PIGK: variants seen among roughly 807,000 people sequenced by gnomAD.
The protein encoded by PIGK is phosphatidylinositol glycan anchor biosynthesis class K.
PIGK carries 42 observed loss-of-function variants against 50.6 expected under a neutral mutation model. The observed-to-expected ratio is 0.83, with a 90% CI of 0.65 to 1.07. The LOEUF (loss-of-function observed/expected upper bound fraction) is 1.07, where lower values mean the gene tolerates loss of function less well. PIGK is among the 50% of genes least tolerant of loss of function. The probability of loss-of-function intolerance (pLI) is 0.00; values close to 1 mark genes in which losing one functional copy is unlikely to be tolerated. For missense variants in PIGK, 448 were observed against 488.7 expected (o/e 0.92, Z 0.78); for synonymous variants, 151 against 156.0 (o/e 0.97, Z 0.24).
intron 9 of PIGK, among the ~76,000 whole-genome samples, chr1:77,139,794 T>C (rs1654606539): frequency 6.6e-6 from 1 of 152,206 alleles, no homozygotes; most frequent in South Asian, 2.1e-4. Context: ...CTAGGTATCT[T>C]GTAACGGAAT....
At chr1:77,110,877 T>C (rs1207715134) in intron 10 of PIGK, among the ~76,000 whole-genome samples, 1 of 152,156 alleles carries the variant, frequency 6.6e-6, no homozygotes, top group Non-Finnish European at 1.5e-5. Context: ...AAAGGGCTAA[T>C]ATCCAGAATC....
intron 5 of PIGK, among the ~76,000 whole-genome samples, chr1:77,164,589 C>T (rs372121430): frequency 6.6e-6 from 1 of 152,052 alleles, no homozygotes; most frequent in Admixed American, 6.6e-5. Flanking sequence ...TGGATACATG[C>T]AGCCCTGCAG....
At chr1:77,197,741 G>T (rs1272044105) in intron 3 of PIGK, among the ~76,000 whole-genome samples, 1 of 152,194 alleles carries the variant, frequency 6.6e-6, no homozygotes, top group African/African-American at 2.4e-5. Flanking sequence ...AAAGTAGTCT[G>T]ATTCTGGGGC....
intron 9 of PIGK, among the ~76,000 whole-genome samples, chr1:77,131,600 A>C (rs1055080700): frequency 2.0e-5 from 3 of 152,094 alleles, no homozygotes; most frequent in Non-Finnish European, 2.9e-5. Flanking sequence ...TTTTTAAAAA[A>C]CATTATCATT....
At chr1:77,158,099 C>T (rs1337080306) in intron 8 of PIGK, among the ~76,000 whole-genome samples, 1 of 152,322 alleles carries the variant, frequency 6.6e-6, no homozygotes, top group East Asian at 1.9e-4. Flanking sequence ...TCACTGCAAC[C>T]TCTGCCTCCC....
At chr1:77,102,630 G>A (rs1557791928) in intron 10 of PIGK, among the ~76,000 whole-genome samples, 1 of 152,174 alleles carries the variant, frequency 6.6e-6, no homozygotes, top group Non-Finnish European at 1.5e-5. Context: ...TTAGCCCAGT[G>A]AGACCCCTGT....
rs1653243758 is a variant in PIGK at position 77,089,235 on chromosome 1, C to G, written c.*3139G>C. ...CATGTGTAAATAGGGCAGGCAGCAA[C>G]AGAACAGCAATATTGGAGAACTCTT... On this transcript the variant is annotated 3_prime_UTR_variant, in exon 11 of 11. Transcript: ENST00000370812. 1 of 152,234 alleles carries G rather than the reference C, an allele frequency of 6.6e-6. No individual in the cohort carries two copies. The allele number at this position is 152,234 out of a possible 1,614,324, so 9.4% of individuals were successfully genotyped here.
At chr1:77,096,177 G>T (rs1653400864) in intron 10 of PIGK, among the ~76,000 whole-genome samples, 1 of 152,092 alleles carries the variant, frequency 6.6e-6, no homozygotes, top group Non-Finnish European at 1.5e-5. Context: ...AAAGGGAGCT[G>T]GATGACATAA....
At chr1:77,196,165 C>T (rs1430573824) in intron 3 of PIGK, among the ~76,000 whole-genome samples, 1 of 152,108 alleles carries the variant, frequency 6.6e-6, no homozygotes, top group Non-Finnish European at 1.5e-5. Flanking sequence ...GATCTTTGTT[C>T]TTTTTATGGC....
At chr1:77,183,125 T>C (rs1307424271) in intron 3 of PIGK, among the ~76,000 whole-genome samples, 1 of 152,092 alleles carries the variant, frequency 6.6e-6, no homozygotes, top group Non-Finnish European at 1.5e-5. Context: ...TAATGAAAAA[T>C]GCATGGACAG....
intron 10 of PIGK, among the ~76,000 whole-genome samples, chr1:77,099,856 CTCT>C (rs140748226): frequency 0.18 from 26,661 of 151,998 alleles, 2,519 homozygotes; most frequent in East Asian, 0.36. Flanking sequence ...AAATGCACTC[CTCT>C]TTTTTTAAAC....
chr1:77,127,183 C>A (rs1480947591), intron 9 of PIGK, among the ~76,000 whole-genome samples: 1 of 152,072 alleles, frequency 6.6e-6, no homozygotes, highest in Non-Finnish European at 1.5e-5. Context: ...AATTATGAAG[C>A]CTATGAAGTT....
At chr1:77,212,922 C>T (rs1171691252) in intron 1 of PIGK, among the ~76,000 whole-genome samples, 1 of 152,002 alleles carries the variant, frequency 6.6e-6, no homozygotes, top group African/African-American at 2.4e-5. Context: ...AACAAGGAAA[C>T]ATTGAATTTA....
Position 77,154,329 on chromosome 1 carries a change from G to A in PIGK, c.986+120C>T, listed in dbSNP as rs1654958842. On this transcript the variant is annotated intron_variant, in intron 9 of 10. Coordinates refer to ENST00000370812, the MANE Select transcript of PIGK (RefSeq NM_005482.3). The stretch of plus-strand genomic sequence containing the variant: ...ATACAGCCTACATAAAGTGAAGACT[G>A]GGTATAAATGTGTAATTTTATTTAC... The A allele has an allele frequency of 2.6e-5, 17 of 653,494 alleles. No homozygotes were observed. In the South Asian group the frequency reaches 3.3e-4, roughly 13 times the overall value. 40.5% of individuals were successfully genotyped at this position (653,494 alleles called of 1,614,324 possible). A position where few individuals can be genotyped will look rare whatever the true frequency, so the allele number is the denominator to read the frequency against.
At chr1:77,161,234 C>T in intron 8 of PIGK, 61 bp downstream of exon 8, 1 of 834,832 alleles carries the variant, frequency 1.2e-6, no homozygotes, top group Non-Finnish European at 2.1e-6. Flanking sequence ...GAATAATACA[C>T]TTCTTTTCAC....
chr1:77,189,883 G>A (rs1434403451), intron 3 of PIGK, among the ~76,000 whole-genome samples: 1 of 151,042 alleles, frequency 6.6e-6, no homozygotes, highest in Non-Finnish European at 1.5e-5. Flanking sequence ...CATAAAATAA[G>A]CACATTACAA....
rs934682268 is a variant in PIGK, at chr1:77,168,623, T to C, written c.375+637A>G. ...CTTACAGTCTAGGAGGAGATAGATA[T>C]GCTTTTAAAATTGCTTCAAAAGTGG... On this transcript the variant is annotated intron_variant, in intron 4 of 10. Coordinates refer to ENST00000370812, the MANE Select transcript of PIGK (RefSeq NM_005482.3). Among the ~76,000 whole-genome samples, 6 of 111,678 alleles carry C rather than the reference T, an allele frequency of 5.4e-5. No individual in the cohort carries two copies. In the East Asian group the frequency reaches 1.3e-3, roughly 23 times the overall value. The allele number at this position is 111,678 out of a possible 152,430, so 73.3% of individuals were successfully genotyped here. A position where few individuals can be genotyped will look rare whatever the true frequency, so the allele number is the denominator to read the frequency against.
At chr1:77,148,583 A>G (rs191534236) in intron 9 of PIGK, among the ~76,000 whole-genome samples, 1 of 152,314 alleles carries the variant, frequency 6.6e-6, no homozygotes, top group East Asian at 1.9e-4. Flanking sequence ...GCAATATAAA[A>G]AAAACGCAAA....
At chr1:77,118,353 C>T (rs1265258771) in intron 10 of PIGK, among the ~76,000 whole-genome samples, 3 of 151,984 alleles carry the variant, frequency 2.0e-5, no homozygotes, top group African/African-American at 7.3e-5. Flanking sequence ...TATCCTCCTG[C>T]CTCATCCTCC....
Sources: gnomAD v4.1 joint callset for allele counts (sites outside exome capture counted in the v4.1 genomes callset) on GRCh38, gnomAD v4.1.1 for gene constraint, MANE v1.5 for transcripts, NCBI Gene and HGNC (gene_info 2026-07-23, HGNC 2026-07-21) for gene names.